ZNF621: variants seen among roughly 807,000 people sequenced by gnomAD.
ZNF621 encodes the protein zinc finger protein 621.
Under a neutral mutation model 12.7 loss-of-function variants are expected in ZNF621, and 6 were observed. The ratio of observed to expected loss-of-function variants is 0.47; its 90% CI spans 0.26 to 0.93. The LOEUF (loss-of-function observed/expected upper bound fraction) is 0.93. ZNF621 is among the 40% of genes least tolerant of loss of function. The pLI, the probability that ZNF621 is intolerant of heterozygous loss-of-function variation, is 0.15. For missense variants in ZNF621, 474 were observed against 524.0 expected (o/e 0.90, Z 0.93); for synonymous variants, 156 against 190.3 (o/e 0.82, Z 1.48).
rs1052416236 is a variant in ZNF621, at chr3:40,537,047, C to T, written c.*3957C>T. On this transcript the variant is annotated 3_prime_UTR_variant, in exon 5 of 5. Transcript: ENST00000339296. Reference sequence around the variant, plus strand: ...CCCATCTCTCTCCCTCTCCTCAGACCTCACTATTCTCTCAGACACAACAGT... The same window carrying T: ...CCCATCTCTCTCCCTCTCCTCAGACTTCACTATTCTCTCAGACACAACAGT... 1.3e-5 allele frequency: 2 copies of T among 152,154 alleles called. No homozygotes were observed. Among genetic ancestry groups the T allele is most frequent in the African/African-American group, 4.8e-5 (2 of 41,410 alleles). 9.4% of individuals were successfully genotyped at this position (152,154 alleles called of 1,614,324 possible). A position where few individuals can be genotyped will look rare whatever the true frequency, so the allele number is the denominator to read the frequency against.
At position 40,532,320 on chromosome 3, in the gene ZNF621, T is replaced by A; in HGVS notation, c.550T>A (p.Cys184Ser). Residue 184 changes from cysteine (C) to serine (S), a missense_variant, in exon 5 of 5, where the codon TGT becomes AGT. By Grantham distance (112) the Cys-to-Ser change is moderately radical. Transcript: ENST00000339296. ...GGAAAAGCCCTTTAAGTGTAAGGAG[T>A]GTGGCAAAGCTTTCAAGTCCAGCTA... ...TGEKPFKCKE[C>S]GKAFKSSYDC... 6.2e-7 allele frequency: 1 copy of A among 1,612,216 alleles called. No individual in the cohort carries two copies.
chr3:40,537,907 T>C lies in ZNF621; in HGVS notation c.*4817T>C, dbSNP rs973639277. 1.3e-5 allele frequency among the ~76,000 whole-genome samples: 2 copies of C among 152,240 alleles called. No individual in the cohort carries two copies. The highest frequency in any genetic ancestry group is 2.9e-5 in the Non-Finnish European group (2 of 68,040). ...TTGCTACACCACGAGATTTTCAGTG[T>C]ATTCCAAACAGCCTTCTTTTGGAAG... On this transcript the variant is annotated 3_prime_UTR_variant, in exon 5 of 5. Coordinates refer to ENST00000339296, the MANE Select transcript of ZNF621 (RefSeq NM_198484.5).
chr3:40,531,096 C>A (rs979232845), intron 4 of ZNF621, among the ~76,000 whole-genome samples: 5 of 152,236 alleles, frequency 3.3e-5, no homozygotes, highest in African/African-American at 1.2e-4. Context: ...GCTCTCTGAT[C>A]CAACTTCTGT....
chr3:40,528,348 A>G (rs1182267519), intron 2 of ZNF621, among the ~76,000 whole-genome samples: 1 of 152,192 alleles, frequency 6.6e-6, no homozygotes, highest in Non-Finnish European at 1.5e-5. Flanking sequence ...TTAGTGCTGA[A>G]TAATATTCCA....
Position 40,536,538 on chromosome 3 carries a change from T to C in ZNF621, c.*3448T>C, listed in dbSNP as rs929800989. ...AAGGTAGTTCTGTCTCTATCCTGTC[T>C]CCTTTATTCTGCTACTGCTCTCATT... On this transcript the variant is annotated 3_prime_UTR_variant, in exon 5 of 5. Transcript: ENST00000339296. 6.6e-6 allele frequency: 1 copy of C among 152,224 alleles called. No homozygotes were observed. Among genetic ancestry groups the C allele is most frequent in the Non-Finnish European group, 1.5e-5 (1 of 68,034 alleles). The allele number at this position is 152,224 out of a possible 1,614,324, so 9.4% of individuals were successfully genotyped here. A position where few individuals can be genotyped will look rare whatever the true frequency, so the allele number is the denominator to read the frequency against.
intron 1 of ZNF621, 114 bp from the exon 2 acceptor site, chr3:40,525,665 C>A (rs1698561304): frequency 5.2e-6 from 4 of 776,650 alleles, no homozygotes; most frequent in African/African-American, 1.7e-5. Context: ...TAGAGGGAGT[C>A]CTAGTAGAAT....
intron 2 of ZNF621, among the ~76,000 whole-genome samples, chr3:40,527,707 G>C (rs1218300313): frequency 6.6e-6 from 1 of 152,126 alleles, no homozygotes; most frequent in East Asian, 1.9e-4. Flanking sequence ...ATACAAGTCT[G>C]GTATCAGCAC....
At position 40,534,223 on chromosome 3, in the gene ZNF621, G is replaced by A. The variant is rs1698807441; in HGVS notation, c.*1133G>A. 1 of 151,828 alleles carries A rather than the reference G, an allele frequency of 6.6e-6. No homozygotes were observed. The highest frequency in any genetic ancestry group is 1.9e-4 in the East Asian group (1 of 5,178). The allele number at this position is 151,828 out of a possible 1,614,324, so 9.4% of individuals were successfully genotyped here. A position where few individuals can be genotyped will look rare whatever the true frequency, so the allele number is the denominator to read the frequency against. On this transcript the variant is annotated 3_prime_UTR_variant, in exon 5 of 5. Transcript: ENST00000339296. ...AAAAATAATGGTGTAAAGCCAACTC[G>A]AGGGGAATCTGAATAAGCTTCCAAA...
intron 2 of ZNF621, 90 bp from the exon 3 acceptor site, chr3:40,529,229 A>G: frequency 2.0e-6 from 3 of 1,477,838 alleles, no homozygotes; most frequent in Non-Finnish European, 2.8e-6. Flanking sequence ...TTGTGGATGC[A>G]GGCAGGTTTA....
intron 2 of ZNF621, among the ~76,000 whole-genome samples, chr3:40,528,653 G>A (rs1001172070): frequency 6.6e-6 from 1 of 152,150 alleles, no homozygotes; most frequent in African/African-American, 2.4e-5. Context: ...TCACATCCTG[G>A]CCAGCATTTG....
chr3:40,533,047 A>G lies in ZNF621; in HGVS notation c.1277A>G (p.Lys426Arg). Residue 426 changes from lysine (K) to arginine (R), a missense_variant, in exon 5 of 5, where the codon AAA (lysine) becomes AGA (arginine). Transcript: ENST00000339296. ...RVFQGLTPTVKPSPVILTPSS... is the reference protein window; with the variant it reads ...RVFQGLTPTVRPSPVILTPSS... ...TTCCAGGGTCTTACTCCCACTGTGAAACCTTCCCCAGTTATTCTCACCCCT... is the reference window on the plus strand; with the variant it reads ...TTCCAGGGTCTTACTCCCACTGTGAGACCTTCCCCAGTTATTCTCACCCCT... The G allele has an allele frequency of 6.4e-7, 1 of 1,551,692 alleles. No individual in the cohort carries two copies. Among genetic ancestry groups the G allele is most frequent in the Non-Finnish European group, 8.7e-7 (1 of 1,146,988 alleles).
chr3:40,524,130 C>T (rs1698522417), upstream of ZNF621, among the ~76,000 whole-genome samples: 1 of 152,152 alleles, frequency 6.6e-6, no homozygotes, highest in Admixed American at 6.5e-5. Flanking sequence ...GCAGCCTCCC[C>T]TCTTCACTGT....
rs1698821369 is a variant in ZNF621 at position 40,534,714 on chromosome 3, T to A, written c.*1624T>A. ...TCAAACAGAAAATGCCCACCCCTCCTCCTTTACCCAGCATAAACTCTATGG... is the reference window on the plus strand; with the variant it reads ...TCAAACAGAAAATGCCCACCCCTCCACCTTTACCCAGCATAAACTCTATGG... On this transcript the variant is annotated 3_prime_UTR_variant, in exon 5 of 5. Transcript: ENST00000339296. 6.6e-6 allele frequency: 1 copy of A among 152,068 alleles called. No homozygotes were observed. The highest frequency in any genetic ancestry group is 1.5e-5 in the Non-Finnish European group (1 of 68,000). 9.4% of individuals were successfully genotyped at this position (152,068 alleles called of 1,614,324 possible). A position where few individuals can be genotyped will look rare whatever the true frequency, so the allele number is the denominator to read the frequency against.
rs1698830946 is a variant in ZNF621 at position 40,535,027 on chromosome 3, C to T, written c.*1937C>T. 6.6e-6 allele frequency: 1 copy of T among 152,248 alleles called. No homozygotes were observed. Among genetic ancestry groups the T allele is most frequent in the South Asian group, 2.1e-4 (1 of 4,838 alleles). The allele number at this position is 152,248 out of a possible 1,614,324, so 9.4% of individuals were successfully genotyped here. A position where few individuals can be genotyped will look rare whatever the true frequency, so the allele number is the denominator to read the frequency against. On this transcript the variant is annotated 3_prime_UTR_variant, in exon 5 of 5. Coordinates refer to ENST00000339296, the MANE Select transcript of ZNF621 (RefSeq NM_198484.5). The stretch of plus-strand genomic sequence containing the variant: ...CCTAGGCCACTACTTTATACTTTCT[C>T]TCTTCTGTAACTTCCAAAGCATCCC...
Position 40,533,285 on chromosome 3 carries a change from C to T in ZNF621, c.*195C>T. ...ACTCTCGAATAGCTGGGATTACAGGCACGCCTCACCACGCCCAGCTAATTT... is the reference window on the plus strand; with the variant it reads ...ACTCTCGAATAGCTGGGATTACAGGTACGCCTCACCACGCCCAGCTAATTT... On this transcript the variant is annotated 3_prime_UTR_variant, in exon 5 of 5. Coordinates refer to ENST00000339296, the MANE Select transcript of ZNF621 (RefSeq NM_198484.5). The T allele has an allele frequency of 1.3e-6, 1 of 798,638 alleles. No individual in the cohort carries two copies. The highest frequency in any genetic ancestry group is 1.9e-6 in the Non-Finnish European group (1 of 535,080). 49.5% of individuals were successfully genotyped at this position (798,638 alleles called of 1,614,324 possible). A position where few individuals can be genotyped will look rare whatever the true frequency, so the allele number is the denominator to read the frequency against.
Position 40,529,467 on chromosome 3 carries a change from C to T in ZNF621, c.151+22C>T. 1.9e-6 allele frequency: 3 copies of T among 1,611,514 alleles called. No individual in the cohort carries two copies. In the South Asian group the frequency reaches 3.3e-5, roughly 18 times the overall value. The stretch of plus-strand genomic sequence containing the variant: ...CTGGGTAAGGCCTCCCTCTGTGGCC[C>T]TTTGTAACAGTTTGCTATCTTCCTC... On this transcript the variant is annotated intron_variant, in intron 3 of 4. Coordinates refer to ENST00000339296, the MANE Select transcript of ZNF621 (RefSeq NM_198484.5).
rs138251391 is a variant in ZNF621, at chr3:40,528,160, C to T, written c.25-1159C>T. On this transcript the variant is annotated intron_variant, in intron 2 of 4. Transcript: ENST00000339296. ...TCCATCCTTACTTTCCCCTTAGTCC[C>T]GTCCCAATTGACAACCATCAATTGA... Among the ~76,000 whole-genome samples the T allele has an allele frequency of 1.8e-3, 272 of 152,298 alleles. 1 individual carries two copies. The highest frequency in any genetic ancestry group is 6.1e-3 in the African/African-American group (252 of 41,574).
At position 40,537,021 on chromosome 3, in the gene ZNF621, C is replaced by T. The variant is rs550798292; in HGVS notation, c.*3931C>T. ...CTGATTACTCCACTAACTGATGGTT[C>T]CCCATCTCTCTCCCTCTCCTCAGAC... On this transcript the variant is annotated 3_prime_UTR_variant, in exon 5 of 5. Coordinates refer to ENST00000339296, the MANE Select transcript of ZNF621 (RefSeq NM_198484.5). The T allele has an allele frequency of 3.3e-5, 5 of 152,256 alleles. No homozygotes were observed. In the South Asian group the frequency reaches 1.0e-3, roughly 32 times the overall value. The allele number at this position is 152,256 out of a possible 1,614,324, so 9.4% of individuals were successfully genotyped here. A position where few individuals can be genotyped will look rare whatever the true frequency, so the allele number is the denominator to read the frequency against.
intron 4 of ZNF621, among the ~76,000 whole-genome samples, chr3:40,531,639 T>G (rs1355542568): frequency 6.6e-6 from 1 of 152,208 alleles, no homozygotes; most frequent in Admixed American, 6.5e-5. Context: ...CTCCACTCAC[T>G]GCAACCTCTG....
Sources: allele counts gnomAD v4.1 joint callset (sites outside exome capture counted in the v4.1 genomes callset), GRCh38; gene constraint gnomAD v4.1.1; transcripts MANE v1.5; gene names NCBI Gene and HGNC (gene_info 2026-07-23, HGNC 2026-07-21).